The following TENM2 variants were observed in gnomAD, a reference collection of about 807,000 sequenced individuals.
TENM2 encodes teneurin transmembrane protein 2, also known as teneurin-2.
TENM2 carries 52 observed loss-of-function variants against 245.2 expected under a neutral mutation model. That is an observed-to-expected ratio of 0.21 (90% CI 0.17 to 0.27). The LOEUF is 0.27. Ranked by LOEUF, TENM2 falls within the 10% of genes least tolerant of loss-of-function variation. The pLI, the probability that TENM2 is intolerant of heterozygous loss-of-function variation, is 1.00. For missense variants in TENM2, 3,046 were observed against 3,666.8 expected (o/e 0.83, Z 4.37); for synonymous variants, 1,363 against 1,438.9 (o/e 0.95, Z 1.19).
chr5:167,305,726 A>AG (rs1202444668), intron 1 of TENM2, among the ~76,000 whole-genome samples: 3 of 152,338 alleles, frequency 2.0e-5, no homozygotes, highest in Admixed American at 6.5e-5. Context: ...GGACTATGTC[A>AG]GGGATGAAAT....
chr5:167,699,733 G>C (rs1333933036), intron 2 of TENM2, among the ~76,000 whole-genome samples: 2 of 152,220 alleles, frequency 1.3e-5, no homozygotes, highest in African/African-American at 4.8e-5. Context: ...GAGAGACACA[G>C]ACTGGCACTT....
chr5:167,161,211 C>G, the TENM2 span, among the ~76,000 whole-genome samples: 1 of 152,130 alleles, frequency 6.6e-6, no homozygotes, highest in Non-Finnish European at 1.5e-5. Flanking sequence ...GCATTTCTCA[C>G]CAGTGTTTGG....
intron 3 of TENM2, among the ~76,000 whole-genome samples, chr5:167,902,155 CA>C (rs1647105245): frequency 6.6e-6 from 1 of 152,040 alleles, no homozygotes; most frequent in African/African-American, 2.4e-5. Context: ...GGTGTTTGTG[CA>C]TGAGAGTGGA....
intron 2 of TENM2, among the ~76,000 whole-genome samples, chr5:167,801,987 A>G (rs1156367709): frequency 6.6e-6 from 1 of 152,162 alleles, no homozygotes; most frequent in Non-Finnish European, 1.5e-5. Flanking sequence ...CTGAAAGTCC[A>G]AGATTAGCGT....
the TENM2 span, among the ~76,000 whole-genome samples, chr5:167,005,853 A>C: frequency 6.6e-6 from 1 of 151,430 alleles, no homozygotes; most frequent in South Asian, 2.1e-4. Flanking sequence ...GTAGAGACAG[A>C]GCTTCACCAT....
chr5:168,141,675 G>C (rs994662039), intron 12 of TENM2, among the ~76,000 whole-genome samples: 1 of 152,140 alleles, frequency 6.6e-6, no homozygotes, highest in Non-Finnish European at 1.5e-5. Context: ...ATATTTAAAA[G>C]GTATATAGAT....
chr5:167,485,738 G>T (rs1000030745), intron 2 of TENM2, among the ~76,000 whole-genome samples: 1 of 152,042 alleles, frequency 6.6e-6, no homozygotes, highest in South Asian at 2.1e-4. Context: ...AGTTGCAGGG[G>T]AAAGACAAGA....
At chr5:167,398,645 G>A (rs1762206948) in intron 2 of TENM2, among the ~76,000 whole-genome samples, 1 of 151,964 alleles carries the variant, frequency 6.6e-6, no homozygotes, top group Admixed American at 6.6e-5. Context: ...TCACCCTGTT[G>A]GCCAGGCTGG....
chr5:167,420,448 G>T (rs1316075168), intron 2 of TENM2, among the ~76,000 whole-genome samples: 1 of 152,090 alleles, frequency 6.6e-6, no homozygotes, highest in African/African-American at 2.4e-5. Context: ...CAGCAGGGGA[G>T]CCCTGGAAGT....
chr5:167,280,141 C>T (rs923103769), upstream of TENM2, among the ~76,000 whole-genome samples: 1 of 152,162 alleles, frequency 6.6e-6, no homozygotes, highest in African/African-American at 2.4e-5. Flanking sequence ...AGTTTCTTCT[C>T]AGATGCCAAG....
the TENM2 span, among the ~76,000 whole-genome samples, chr5:167,259,905 G>A: frequency 3.3e-5 from 5 of 152,090 alleles, no homozygotes; most frequent in Non-Finnish European, 1.5e-5. Context: ...TTGGAAGCAC[G>A]GAAGAAGAAA....
upstream of TENM2, among the ~76,000 whole-genome samples, chr5:167,284,420 A>C (rs1019606026): frequency 3.3e-5 from 5 of 152,204 alleles, no homozygotes; most frequent in African/African-American, 7.2e-5. Flanking sequence ...GTAATTAAAG[A>C]AGGATAAGAT....
intron 26 of TENM2, among the ~76,000 whole-genome samples, chr5:168,245,317 C>T (rs576510154): frequency 2.6e-5 from 4 of 152,144 alleles, no homozygotes; most frequent in East Asian, 1.9e-4. Context: ...ACTGTTGAAG[C>T]GGACAGAATC....
intron 1 of TENM2, among the ~76,000 whole-genome samples, chr5:167,348,266 G>C (rs1469059129): frequency 6.6e-6 from 1 of 152,134 alleles, no homozygotes; most frequent in African/African-American, 2.4e-5. Flanking sequence ...CCTAGGTACC[G>C]TTCCTAAGGA....
chr5:167,912,292 C>G (rs1776612079), intron 3 of TENM2, among the ~76,000 whole-genome samples: 1 of 152,176 alleles, frequency 6.6e-6, no homozygotes, highest in Non-Finnish European at 1.5e-5. Context: ...ATAATGTCCT[C>G]CAGGTTCAGG....
intron 2 of TENM2, among the ~76,000 whole-genome samples, chr5:167,554,873 T>C (rs1773164314): frequency 6.6e-6 from 1 of 152,080 alleles, no homozygotes; most frequent in Non-Finnish European, 1.5e-5. Flanking sequence ...CTCCTCCTCC[T>C]CCTCCTCCTC....
intron 2 of TENM2, among the ~76,000 whole-genome samples, chr5:167,816,559 G>A (rs190723281): frequency 1.9e-4 from 29 of 152,280 alleles, no homozygotes; most frequent in Middle Eastern, 3.4e-3. Flanking sequence ...GCAGTTCCTC[G>A]GGTTGCTGTG....
the TENM2 span, among the ~76,000 whole-genome samples, chr5:167,033,879 A>C: frequency 6.6e-6 from 1 of 152,224 alleles, no homozygotes; most frequent in South Asian, 2.1e-4. Context: ...TGACTCAATA[A>C]ATTTTTTAGG....
At chr5:167,077,253 G>T in the TENM2 span, among the ~76,000 whole-genome samples, 21,521 of 152,164 alleles carry the variant, frequency 0.14, 2,172 homozygotes, top group East Asian at 0.36. Context: ...GATGCCTGTG[G>T]TGTTTAAACT....
Sources: gnomAD v4.1 joint callset for allele counts (sites outside exome capture counted in the v4.1 genomes callset) on GRCh38, gnomAD v4.1.1 for gene constraint, MANE v1.5 for transcripts, NCBI Gene and HGNC (gene_info 2026-07-23, HGNC 2026-07-21) for gene names.